BMERB1: variants seen among roughly 807,000 people sequenced by gnomAD.
BMERB1 encodes bMERB domain-containing protein 1.
BMERB1 carries 12 observed loss-of-function variants against 23.6 expected under a neutral mutation model. That is an observed-to-expected ratio of 0.51 (90% confidence interval 0.33 to 0.82). The LOEUF is 0.82. Ranked by LOEUF, BMERB1 falls within the 40% of genes least tolerant of loss-of-function variation. The pLI is 0.03. For missense variants in BMERB1, 247 were observed against 255.4 expected, an observed-to-expected ratio of 0.97 and a Z score of 0.22; for synonymous variants, 122 against 96.6, an observed-to-expected ratio of 1.26 and a Z score of -1.54.
chr16:15,506,097 G>A (rs763578290), intron 1 of BMERB1, among the ~76,000 whole-genome samples: 3 of 151,904 alleles, frequency 2.0e-5, no homozygotes, highest in East Asian at 3.9e-4. Context: ...TGCCCCAATT[G>A]CCCCTTAGAA....
At chr16:15,521,403 T>G (rs2051852188) in intron 2 of BMERB1, among the ~76,000 whole-genome samples, 1 of 152,222 alleles carries the variant, frequency 6.6e-6, no homozygotes. Context: ...CAGTTGGCAT[T>G]TACAGACCCC....
Position 15,509,328 on chromosome 16 carries a change from AG to A in BMERB1, c.107-5971del, listed in dbSNP as rs60458642. ...TAAGGTCACGTGGTTGTGGAGTGGA[AG>A]GGGGGTGGGGGGGGAGAGAGAGAGC... On this transcript the variant is annotated intron_variant, in intron 1 of 5. Coordinates refer to ENST00000300006, the MANE Select transcript of BMERB1 (RefSeq NM_033201.3). Among the ~76,000 whole-genome samples the A allele has an allele frequency of 7.1e-5, 4 of 56,674 alleles. No homozygotes were observed. The East Asian group carries it at 1.4e-3, about 19-fold the overall frequency. The allele number at this position is 56,674 out of a possible 152,430, so 37.2% of individuals were successfully genotyped here. A position where few individuals can be genotyped will look rare whatever the true frequency, so the allele number is the denominator to read the frequency against.
chr16:15,519,639 C>A (rs1366408786), intron 2 of BMERB1, among the ~76,000 whole-genome samples: 1 of 152,110 alleles, frequency 6.6e-6, no homozygotes, highest in Non-Finnish European at 1.5e-5. Context: ...GATCTGCCCT[C>A]CTTGGCCTCC....
Position 15,568,061 on chromosome 16 carries a change from C to T in BMERB1, c.304+5C>T, listed in dbSNP as rs1325069518. ...AGAACTTGGTCGCCATCCCAGGTAA[C>T]CATTTGCAACTTCACCTTGTGCTAA... On this transcript the variant is annotated splice_donor_5th_base_variant and intron_variant, in intron 3 of 5. Transcript: ENST00000300006. 1 of 1,613,680 alleles carries T rather than the reference C, an allele frequency of 6.2e-7. No individual in the cohort carries two copies. Among genetic ancestry groups the T allele is most frequent in the Non-Finnish European group, 8.5e-7 (1 of 1,179,828 alleles).
rs3916385 is a variant in BMERB1, at chr16:15,476,833, C to T, written c.107-38472C>T. The stretch of plus-strand genomic sequence containing the variant: ...ATACAGGATCAGCTTCCCACTCATT[C>T]CCATCTATGTACCCCAGCAGGGGAA... On this transcript the variant is annotated intron_variant, in intron 1 of 5. Coordinates refer to ENST00000300006, the MANE Select transcript of BMERB1 (RefSeq NM_033201.3). Among the ~76,000 whole-genome samples the T allele has an allele frequency of 2.0e-5, 3 of 152,164 alleles. No homozygotes were observed. The South Asian group carries it at 6.2e-4, about 32-fold the overall frequency.
chr16:15,574,714 C>T (rs2030814026), intron 3 of BMERB1, among the ~76,000 whole-genome samples: 1 of 152,028 alleles, frequency 6.6e-6, no homozygotes, highest in Admixed American at 6.6e-5. Context: ...AGCTGGGGCT[C>T]ACAGGTCATA....
In BMERB1 at chr16:15,459,021, T is replaced by A. The variant is rs529120520; in HGVS notation, c.106+24262T>A. On this transcript the variant is annotated intron_variant, in intron 1 of 5. Coordinates refer to ENST00000300006, the MANE Select transcript of BMERB1 (RefSeq NM_033201.3). ...ACTCGGGAGGGTGAGGCAAGGAGAA[T>A]TGCTTGAACCTGGGAGGTGGAGGTT... 1.8e-4 allele frequency among the ~76,000 whole-genome samples: 27 copies of A among 151,986 alleles called. No individual in the cohort carries two copies. In the South Asian group the frequency reaches 4.2e-3, roughly 23 times the overall value.
At chr16:15,540,994 AAAAG>A (rs2052072728) in intron 2 of BMERB1, among the ~76,000 whole-genome samples, 1 of 151,990 alleles carries the variant, frequency 6.6e-6, no homozygotes, top group African/African-American at 2.4e-5. Flanking sequence ...CCTGCAAGTT[AAAAG>A]ACCCCATCCC....
At chr16:15,447,761 G>A (rs115488945) in intron 1 of BMERB1, among the ~76,000 whole-genome samples, 164 of 152,276 alleles carry the variant, frequency 1.1e-3, no homozygotes, top group African/African-American at 3.0e-3. Flanking sequence ...CATGAGCTTC[G>A]CTGCATTGGA....
chr16:15,465,922 T>G lies in BMERB1; in HGVS notation c.106+31163T>G, dbSNP rs1208512730. On this transcript the variant is annotated intron_variant, in intron 1 of 5. Transcript: ENST00000300006. Reference sequence around the variant, plus strand: ...ATGTTGAAACATGTAGATCAATTCTTTTAATTTTTTAACTGCTCAAAGTAT... The same window carrying G: ...ATGTTGAAACATGTAGATCAATTCTGTTAATTTTTTAACTGCTCAAAGTAT... Among the ~76,000 whole-genome samples the G allele has an allele frequency of 2.0e-5, 3 of 152,350 alleles. No homozygotes were observed. In the East Asian group the frequency reaches 5.8e-4, roughly 29 times the overall value.
chr16:15,511,100 G>A (rs1440987970), intron 1 of BMERB1, among the ~76,000 whole-genome samples: 1 of 152,066 alleles, frequency 6.6e-6, no homozygotes, highest in Non-Finnish European at 1.5e-5. Context: ...TGGTGTCAGG[G>A]ACAGTAGTAG....
chr16:15,545,350 G>A (rs1435998742), intron 2 of BMERB1, among the ~76,000 whole-genome samples: 3 of 152,128 alleles, frequency 2.0e-5, no homozygotes, highest in Non-Finnish European at 2.9e-5. Context: ...AGCTAGCCCA[G>A]TACCAATCGA....
rs113964265 is a variant in BMERB1, at chr16:15,572,914, C to G, written c.304+4858C>G. On this transcript the variant is annotated intron_variant, in intron 3 of 5. Transcript: ENST00000300006. ...TGGTTTTATAAGGGGTTTCCCCTTT[C>G]GCTTGATTCTCATTTTCTGTGCTGC... Among the ~76,000 whole-genome samples, 981 of 152,266 alleles carry G rather than the reference C, an allele frequency of 6.4e-3. 9 individuals are homozygous for G. Among genetic ancestry groups the G allele is most frequent in the Middle Eastern group, 0.037 (11 of 294 alleles).
intron 5 of BMERB1, 129 bp from the exon 6 acceptor site, chr16:15,586,588 A>G (rs2031149221): frequency 1.4e-6 from 1 of 740,522 alleles, no homozygotes; most frequent in Non-Finnish European, 2.4e-6. Context: ...CCACCTGAAC[A>G]AGGCCTGGAA....
In BMERB1 at chr16:15,486,676, A is replaced by G. The variant is rs559186072; in HGVS notation, c.107-28629A>G. Among the ~76,000 whole-genome samples the G allele has an allele frequency of 4.9e-4, 75 of 152,326 alleles. 1 individual carries two copies. The South Asian group carries it at 6.4e-3, about 13-fold the overall frequency. On this transcript the variant is annotated intron_variant, in intron 1 of 5. Transcript: ENST00000300006. ...AAAAAAAGGTGTATGTTACACAGTG[A>G]TATCAATTAAATTCTAAACTATAGT...
Position 15,495,228 on chromosome 16 carries a change from C to T in BMERB1, c.107-20077C>T, listed in dbSNP as rs551325025. 1.9e-4 allele frequency among the ~76,000 whole-genome samples: 29 copies of T among 150,376 alleles called. 1 individual carries two copies. The highest frequency in any genetic ancestry group is 6.4e-4 in the African/African-American group (26 of 40,900). ...TTATTATTATTGTTGTTGTTTGAGACGGAGTTTCGCTCTGTTGCCTGTTGC... is the reference window on the plus strand; with the variant it reads ...TTATTATTATTGTTGTTGTTTGAGATGGAGTTTCGCTCTGTTGCCTGTTGC... On this transcript the variant is annotated intron_variant, in intron 1 of 5. Coordinates refer to ENST00000300006, the MANE Select transcript of BMERB1 (RefSeq NM_033201.3).
chr16:15,549,123 G>A (rs2030007149), intron 2 of BMERB1, among the ~76,000 whole-genome samples: 1 of 152,026 alleles, frequency 6.6e-6, no homozygotes, highest in South Asian at 2.1e-4. Flanking sequence ...CAGATCACCT[G>A]AGGTCAGGAG....
intron 4 of BMERB1, among the ~76,000 whole-genome samples, chr16:15,582,710 C>G (rs974552663): frequency 2.6e-5 from 4 of 152,040 alleles, no homozygotes; most frequent in Admixed American, 1.3e-4. Context: ...AAAGAAAGAC[C>G]GTGTCTCTTC....
chr16:15,541,216 A>C (rs1029588872), intron 2 of BMERB1, among the ~76,000 whole-genome samples: 4 of 152,018 alleles, frequency 2.6e-5, no homozygotes, highest in Admixed American at 6.6e-5. Flanking sequence ...AATGGAAGAG[A>C]GATGCATTGG....
Sources: gnomAD v4.1 joint callset for allele counts (sites outside exome capture counted in the v4.1 genomes callset) on GRCh38, gnomAD v4.1.1 for gene constraint, MANE v1.5 for transcripts, NCBI Gene and HGNC (gene_info 2026-07-23, HGNC 2026-07-21) for gene names.